Variants in C2CD2 observed in about 807,000 individuals in gnomAD.
C2CD2 encodes the protein C2 calcium dependent domain containing 2.
C2CD2 carries 43 observed loss-of-function variants against 74.3 expected under a neutral mutation model. The ratio of observed to expected loss-of-function variants is 0.58; its 90% CI spans 0.45 to 0.75. C2CD2 has a LOEUF of 0.75. C2CD2 is among the 30% of genes least tolerant of loss of function. The pLI is 0.00. For missense variants in C2CD2, 801 were observed against 916.3 expected (o/e 0.87, Z 1.63); for synonymous variants, 422 against 390.7 (o/e 1.08, Z -0.94).
chr21:41,897,542 GCT>G (rs2064838434), intron 13 of C2CD2, among the ~76,000 whole-genome samples: 2 of 152,200 alleles, frequency 1.3e-5, no homozygotes, highest in Non-Finnish European at 2.9e-5. Context: ...GCCCTCAAGT[GCT>G]CTGTGGAGGG....
rs1268871085 is a variant in C2CD2 at position 41,932,234 on chromosome 21, TGGCTCGTCCAGGCAG to T, written c.378+9898_378+9912del. Among the ~76,000 whole-genome samples the T allele has an allele frequency of 1.3e-5, 2 of 149,770 alleles. 1 individual carries two copies. Among genetic ancestry groups the T allele is most frequent in the Non-Finnish European group, 3.0e-5 (2 of 66,856 alleles). ...TGAATACATCAAGGTGCCGGGCGGG[TGGCTCGTCCAGGCAG>T]GGCATGAAGCTGCTGGAGTCCCTGC... On this transcript the variant is annotated intron_variant, in intron 2 of 13. Coordinates refer to ENST00000380486, the MANE Select transcript of C2CD2 (RefSeq NM_015500.2).
rs776830897 is a variant in C2CD2 at position 41,933,240 on chromosome 21, G to C, written c.378+8907C>G. ...TCTTTTCTACCTCTTATTTGTCACA[G>C]GTCCTCAAGTTCTGTTACAGTTTTT... On this transcript the variant is annotated intron_variant, in intron 2 of 13. Coordinates refer to ENST00000380486, the MANE Select transcript of C2CD2 (RefSeq NM_015500.2). Among the ~76,000 whole-genome samples, 3 of 147,792 alleles carry C rather than the reference G, an allele frequency of 2.0e-5. 1 individual carries two copies. Among genetic ancestry groups the C allele is most frequent in the Non-Finnish European group, 4.6e-5 (3 of 65,684 alleles).
At chr21:41,950,539 C>T (rs1472968652) in intron 1 of C2CD2, among the ~76,000 whole-genome samples, 4 of 152,216 alleles carry the variant, frequency 2.6e-5, no homozygotes, top group African/African-American at 4.8e-5. Context: ...CTGGAAGGTG[C>T]GAGCCCCACT....
At chr21:41,900,957 C>T (rs2064888012) in intron 12 of C2CD2, 1 of 152,330 alleles carries the variant, frequency 6.6e-6, no homozygotes, top group Non-Finnish European at 1.5e-5. Flanking sequence ...ATTAGCCAGT[C>T]TCATAACAAA....
At chr21:41,946,082 C>T (rs1316936856) in intron 1 of C2CD2, among the ~76,000 whole-genome samples, 1 of 152,110 alleles carries the variant, frequency 6.6e-6, no homozygotes, top group Non-Finnish European at 1.5e-5. Flanking sequence ...GGGAGAGTTC[C>T]AAATAATAAA....
At chr21:41,912,593 C>T (rs10084619) in intron 6 of C2CD2, among the ~76,000 whole-genome samples, 153 bp from the exon 7 acceptor site, 2,039 of 152,026 alleles carry the variant, frequency 0.013, 28 homozygotes, top group Non-Finnish European at 0.02. Flanking sequence ...CAGGTTCAAG[C>T]GATTCTCCTG....
intron 1 of C2CD2, among the ~76,000 whole-genome samples, chr21:41,952,025 A>C (rs569256944): frequency 4.1e-4 from 63 of 152,256 alleles, no homozygotes; most frequent in Non-Finnish European, 8.2e-4. Flanking sequence ...GGGGTCAGTG[A>C]TGGCAGCTTC....
At position 41,924,578 on chromosome 21, in the gene C2CD2, A is replaced by G. The variant is rs1448841453; in HGVS notation, c.379-2493T>C. On this transcript the variant is annotated intron_variant, in intron 2 of 13. Transcript: ENST00000380486. This position sits in a 1 kb window ranked among gnomAD's most constrained non-coding sequence, Gnocchi z 4.4. Reference sequence around the variant, plus strand: ...TGTTAAAAATAAATGATCTATAAACAGTCCTTTACGGAGGAACATGCTTTG... The same window carrying G: ...TGTTAAAAATAAATGATCTATAAACGGTCCTTTACGGAGGAACATGCTTTG... 3.9e-5 allele frequency among the ~76,000 whole-genome samples: 6 copies of G among 152,250 alleles called. No homozygotes were observed.
chr21:41,893,096 C>G (rs1207496708), intron 13 of C2CD2, among the ~76,000 whole-genome samples: 4 of 152,080 alleles, frequency 2.6e-5, no homozygotes, highest in Non-Finnish European at 4.4e-5. Flanking sequence ...TCCCTTGAGC[C>G]CAGGAATTGG....
In C2CD2 at chr21:41,953,850, TG is replaced by T. The variant is rs1006278875; in HGVS notation, c.-203del. 1.4e-4 allele frequency: 43 copies of T among 311,764 alleles called. No homozygotes were observed. Among genetic ancestry groups the T allele is most frequent in the African/African-American group, 9.5e-4 (43 of 45,038 alleles). 19.3% of individuals were successfully genotyped at this position (311,764 alleles called of 1,614,324 possible). A position where few individuals can be genotyped will look rare whatever the true frequency, so the allele number is the denominator to read the frequency against. Reference sequence around the variant, plus strand: ...AACGCGCGGCGGCCGCGGCCCGGGCTGGGCGCAAGCCCCGCACACCTGCGGA... The same window carrying T: ...AACGCGCGGCGGCCGCGGCCCGGGCTGGCGCAAGCCCCGCACACCTGCGGA... On this transcript the variant is annotated 5_prime_UTR_variant, in exon 1 of 14. Transcript: ENST00000380486.
chr21:41,922,149 ATCTTCT>A, intron 2 of C2CD2, 64 bp from the exon 3 acceptor site: 1 of 875,786 alleles, frequency 1.1e-6, no homozygotes, highest in Non-Finnish European at 1.8e-6. Context: ...GTGCATACGC[ATCTTCT>A]TCTTCTTCTT....
intron 5 of C2CD2, 60 bp downstream of exon 5, chr21:41,918,045 G>C: frequency 2.6e-5 from 41 of 1,600,180 alleles, no homozygotes; most frequent in Non-Finnish European, 3.4e-5. Flanking sequence ...TTCTCCAAGA[G>C]AGGTGGGCCA....
chr21:41,942,127 G>A lies in C2CD2; in HGVS notation c.378+20C>T, dbSNP rs557528214. The A allele has an allele frequency of 4.2e-4, 648 of 1,548,662 alleles. 10 individuals are homozygous for A. In the South Asian group the frequency reaches 7.1e-3, roughly 17 times the overall value. Reference sequence around the variant, plus strand: ...CATCAAGTTCACCTCTTCCTGCAGGGAATGGGCTCCTGGGCTCACCTTCTC... The same window carrying A: ...CATCAAGTTCACCTCTTCCTGCAGGAAATGGGCTCCTGGGCTCACCTTCTC... On this transcript the variant is annotated intron_variant, in intron 2 of 13. Transcript: ENST00000380486.
intron 2 of C2CD2, among the ~76,000 whole-genome samples, chr21:41,933,917 C>T (rs768275830): frequency 2.6e-5 from 4 of 152,148 alleles, no homozygotes; most frequent in Non-Finnish European, 4.4e-5. Context: ...TCAAGAGCTA[C>T]GTGGAAAATT....
rs1177584324 is a variant in C2CD2 at position 41,892,563 on chromosome 21, C to T, written c.1871-3219G>A. The stretch of plus-strand genomic sequence containing the variant: ...AGGACAGTGAAGCAGCATCCTCAGC[C>T]CCGAGCCCTCCAAACAACAGGCCTC... On this transcript the variant is annotated intron_variant, in intron 13 of 13. Transcript: ENST00000380486. The surrounding 1 kb of genome is among the most constrained non-coding windows in gnomAD (Gnocchi z 4.6). Among the ~76,000 whole-genome samples the T allele has an allele frequency of 6.6e-6, 1 of 152,186 alleles. No individual in the cohort carries two copies. Among genetic ancestry groups the T allele is most frequent in the African/African-American group, 2.4e-5 (1 of 41,442 alleles).
At chr21:41,948,812 G>A (rs897966595) in intron 1 of C2CD2, among the ~76,000 whole-genome samples, 1 of 139,116 alleles carries the variant, frequency 7.2e-6, no homozygotes, top group Non-Finnish European at 1.5e-5. Context: ...CTTTTTAAAT[G>A]CAGAAACTCC....
At position 41,892,391 on chromosome 21, in the gene C2CD2, G is replaced by C. The variant is rs1323569594; in HGVS notation, c.1871-3047C>G. On this transcript the variant is annotated intron_variant, in intron 13 of 13. Coordinates refer to ENST00000380486, the MANE Select transcript of C2CD2 (RefSeq NM_015500.2). The surrounding 1 kb of genome is among the most constrained non-coding windows in gnomAD (Gnocchi z 4.6). ...CAGAACAGGGAAAGAATTGGCTCCT[G>C]GTGTTGCAAACACCCAGTTTGTGGT... 6.6e-6 allele frequency among the ~76,000 whole-genome samples: 1 copy of C among 152,106 alleles called. No individual in the cohort carries two copies. Among genetic ancestry groups the C allele is most frequent in the Non-Finnish European group, 1.5e-5 (1 of 68,010 alleles).
At chr21:41,934,879 T>C (rs1324030818) in intron 2 of C2CD2, among the ~76,000 whole-genome samples, 2 of 151,930 alleles carry the variant, frequency 1.3e-5, no homozygotes, top group Admixed American at 6.6e-5. Flanking sequence ...GCTTGTTTGT[T>C]TGTCTGTTTG....
At chr21:41,940,991 A>G (rs1340615811) in intron 2 of C2CD2, among the ~76,000 whole-genome samples, 7 of 151,248 alleles carry the variant, frequency 4.6e-5, no homozygotes, top group Non-Finnish European at 8.9e-5. Context: ...ATATAATGAT[A>G]ATAATAATAA....
Sources: allele counts gnomAD v4.1 joint callset (sites outside exome capture counted in the v4.1 genomes callset), GRCh38; gene constraint gnomAD v4.1.1; non-coding constraint Gnocchi (gnomAD v3.1); transcripts MANE v1.5; gene names NCBI Gene and HGNC (gene_info 2026-07-23, HGNC 2026-07-21).